Variants in CCNF observed in about 807,000 individuals in gnomAD.
CCNF encodes the protein cyclin F, also known as cyclin-F.
CCNF carries 30 observed loss-of-function variants against 85.4 expected under a neutral mutation model. The observed-to-expected ratio is 0.35, with a 90% CI of 0.26 to 0.48. The LOEUF (loss-of-function observed/expected upper bound fraction) is 0.48, where lower values mean the gene tolerates loss of function less well. Ranked by LOEUF, CCNF falls within the 20% of genes least tolerant of loss-of-function variation. The probability of loss-of-function intolerance (pLI) is 0.99; values close to 1 mark genes in which losing one functional copy is unlikely to be tolerated. For missense variants in CCNF, 919 were observed against 1,010.4 expected (o/e 0.91, Z 1.23); for synonymous variants, 439 against 425.1 (o/e 1.03, Z -0.40).
intron 15 of CCNF, 151 bp from the exon 16 acceptor site, chr16:2,455,244 C>A: frequency 9.3e-7 from 1 of 1,080,408 alleles, no homozygotes; most frequent in Non-Finnish European, 1.3e-6. Flanking sequence ...TATACCTGTT[C>A]TAGCTTCACC....
At chr16:2,439,154 C>T (rs1162715178) in intron 6 of CCNF, among the ~76,000 whole-genome samples, 199 bp from the exon 7 acceptor site, 10 of 151,958 alleles carry the variant, frequency 6.6e-5, no homozygotes, top group Non-Finnish European at 1.3e-4. Context: ...AAAAATTAGC[C>T]GGGCATGATG....
chr16:2,449,401 C>G lies in CCNF; in HGVS notation c.1338C>G (p.Ala446=). The change falls in exon 12 of 17, where the codon GCC becomes GCG. Residue 446 remains alanine (A), a synonymous_variant. Coordinates refer to ENST00000397066, the MANE Select transcript of CCNF (RefSeq NM_001761.3). ...ELSLLHTSLS[A]YAPARLAAAA... is the part of the protein sequence containing the mutation. ...CCCTGCTGCACACCAGCCTGTCCGC[C>G]TACGCCCCAGCCCGCCTGGCTGCCG... The G allele has an allele frequency of 6.2e-7, 1 of 1,612,040 alleles. No individual in the cohort carries two copies. Among genetic ancestry groups the G allele is most frequent in the Non-Finnish European group, 8.5e-7 (1 of 1,179,976 alleles).
chr16:2,431,988 G>A (rs1253754706), intron 2 of CCNF, among the ~76,000 whole-genome samples: 1 of 151,680 alleles, frequency 6.6e-6, no homozygotes, highest in African/African-American at 2.4e-5. Flanking sequence ...CCGCCACCAC[G>A]CCCGGCTAAT....
intron 6 of CCNF, among the ~76,000 whole-genome samples, chr16:2,438,619 C>T (rs1379813156): frequency 6.9e-6 from 1 of 144,694 alleles, no homozygotes; most frequent in East Asian, 2.0e-4. Context: ...TCCAGCCTGG[C>T]AACAGAGTGA....
chr16:2,439,269 A>T, intron 6 of CCNF, 84 bp from the exon 7 acceptor site: 2 of 1,219,924 alleles, frequency 1.6e-6, no homozygotes, highest in South Asian at 2.9e-5. Flanking sequence ...TTGCACTCCA[A>T]CCTGGGCGAC....
intron 9 of CCNF, among the ~76,000 whole-genome samples, chr16:2,445,191 C>T (rs1037265591): frequency 6.6e-6 from 1 of 152,206 alleles, no homozygotes. Context: ...TGACTTTTCA[C>T]TTTGCGTCAG....
At chr16:2,441,688 T>C (rs1024146794) in intron 8 of CCNF, among the ~76,000 whole-genome samples, 2 of 151,726 alleles carry the variant, frequency 1.3e-5, no homozygotes, top group African/African-American at 4.8e-5. Flanking sequence ...AGCTAATTTT[T>C]GTATTTTTAG....
At chr16:2,444,465 A>C (rs948875691) in intron 9 of CCNF, among the ~76,000 whole-genome samples, 5 of 147,068 alleles carry the variant, frequency 3.4e-5, no homozygotes, top group Non-Finnish European at 7.5e-5. Flanking sequence ...ACGCCCAGCT[A>C]ATTTTTTTGT....
chr16:2,454,091 G>T (rs1425021459), intron 15 of CCNF, among the ~76,000 whole-genome samples: 1 of 152,208 alleles, frequency 6.6e-6, no homozygotes, highest in African/African-American at 2.4e-5. Flanking sequence ...TGCTGGCCCT[G>T]CGCCGTGACC....
At position 2,438,091 on chromosome 16, in the gene CCNF, C is replaced by T. The variant is rs776957393; in HGVS notation, c.562C>T (p.His188Tyr). Residue 188 changes from histidine (H) to tyrosine (Y), a missense_variant, in exon 6 of 17, where the codon CAC becomes TAC. His to Tyr is a moderately conservative substitution (Grantham distance 83). Around this residue, in one of 3 missense-constraint regions of CCNF, gnomAD observed 410 missense variants for 478.6 expected, o/e 0.86. Transcript: ENST00000397066. ...AAAGACTCACAAAGCATCCATATTG[C>T]ACTGCTTGGGCAGAGTGCTGAGTCT... is the stretch of plus-strand genomic sequence containing the variant. ...LQRTHKASIL[H>Y]CLGRVLSLFE... is the part of the protein sequence containing the mutation. 8 of 1,612,106 alleles carry T rather than the reference C, an allele frequency of 5.0e-6. No individual in the cohort carries two copies. The Admixed American group carries it at 1.3e-4, about 27-fold the overall frequency.
At position 2,445,521 on chromosome 16, in the gene CCNF, G is replaced by A. The variant is rs1280702230; in HGVS notation, c.993G>A (p.Leu331=). The change falls in exon 10 of 17, where the codon CTG becomes CTA. Residue 331 remains leucine (L), a synonymous_variant. Transcript: ENST00000397066. ...ATMKDFTSLC[L]HLTVECVDRY... ...TGAAGGACTTCACAAGCCTGTGCCT[G>A]CACCTGACCGTGGAGTGTGTGGACC... 4 of 1,614,046 alleles carry A rather than the reference G, an allele frequency of 2.5e-6. No homozygotes were observed. The African/African-American group carries it at 5.3e-5, about 22-fold the overall frequency.
Position 2,456,507 on chromosome 16 carries a change from G to A in CCNF, c.1886-38G>A, listed in dbSNP as rs776384745. ...GCAGGGGGTCTCCCCTGATGCTTGGGTGTGACATGACTTCCCTCCCCACCA... is the reference window on the plus strand; with the variant it reads ...GCAGGGGGTCTCCCCTGATGCTTGGATGTGACATGACTTCCCTCCCCACCA... On this transcript the variant is annotated intron_variant, in intron 16 of 16. Transcript: ENST00000397066. This position sits in a 1 kb window ranked among gnomAD's most constrained non-coding sequence, Gnocchi z 4.5. The A allele has an allele frequency of 2.8e-6, 4 of 1,428,736 alleles. No homozygotes were observed. The highest frequency in any genetic ancestry group is 3.8e-6 in the Non-Finnish European group (4 of 1,065,136). 88.5% of individuals were successfully genotyped at this position (1,428,736 alleles called of 1,614,324 possible). A position where few individuals can be genotyped will look rare whatever the true frequency, so the allele number is the denominator to read the frequency against.
At chr16:2,433,123 G>A in intron 3 of CCNF, 56 bp downstream of exon 3, 1 of 1,100,794 alleles carries the variant, frequency 9.1e-7, no homozygotes, top group Non-Finnish European at 1.4e-6. Context: ...CTCCCTATGT[G>A]CCAGTCTGTG....
chr16:2,443,916 T>G (rs2065346513), intron 9 of CCNF, 116 bp downstream of exon 9: 1 of 880,836 alleles, frequency 1.1e-6, no homozygotes, highest in Non-Finnish European at 1.6e-6. Context: ...TAGAGTTCCC[T>G]TATCACCCTT....
intron 8 of CCNF, 90 bp downstream of exon 8, chr16:2,439,916 A>G: frequency 8.9e-7 from 1 of 1,128,296 alleles, no homozygotes. Context: ...ATTGGGGGGC[A>G]GGACTATCTG....
chr16:2,435,662 CACACAT>C (rs2065286050), intron 3 of CCNF, 138 bp from the exon 4 acceptor site: 4 of 62,946 alleles, frequency 6.4e-5, no homozygotes, highest in African/African-American at 3.4e-4. Flanking sequence ...TATGCACACA[CACACAT>C]ATATATATAT....
In CCNF at chr16:2,453,634, G is replaced by T. The variant is rs953913964; in HGVS notation, c.1715+97G>T. 2 of 1,496,424 alleles carry T rather than the reference G, an allele frequency of 1.3e-6. No homozygotes were observed. 92.7% of individuals were successfully genotyped at this position (1,496,424 alleles called of 1,614,324 possible). On this transcript the variant is annotated intron_variant, in intron 15 of 16. Coordinates refer to ENST00000397066, the MANE Select transcript of CCNF (RefSeq NM_001761.3). This position sits in a 1 kb window ranked among gnomAD's most constrained non-coding sequence, Gnocchi z 5.6. ...TTCCTCACACAGAGAGGCCCCCAAG[G>T]CTTGTCAGGGGAGCAGCAGATCCCA...
At position 2,453,682 on chromosome 16, in the gene CCNF, C is replaced by G. The variant is rs1383878742; in HGVS notation, c.1715+145C>G. ...CCAGGACAGTGACCCTGGGACGGAG[C>G]CCTGCAGTCATGCCTCGGGCCCCTG... On this transcript the variant is annotated intron_variant, in intron 15 of 16. Coordinates refer to ENST00000397066, the MANE Select transcript of CCNF (RefSeq NM_001761.3). The surrounding 1 kb of genome is among the most constrained non-coding windows in gnomAD (Gnocchi z 5.6). 9.3e-7 allele frequency: 1 copy of G among 1,079,078 alleles called. No individual in the cohort carries two copies. The highest frequency in any genetic ancestry group is 2.2e-5 in the Admixed American group (1 of 45,368). The allele number at this position is 1,079,078 out of a possible 1,614,324, so 66.8% of individuals were successfully genotyped here. A position where few individuals can be genotyped will look rare whatever the true frequency, so the allele number is the denominator to read the frequency against.
chr16:2,443,539 T>G (rs1199329370), intron 8 of CCNF, 110 bp from the exon 9 acceptor site: 2 of 991,116 alleles, frequency 2.0e-6, no homozygotes, highest in Admixed American at 4.1e-5. Flanking sequence ...TTAAGTTAAG[T>G]AGGGCAGTGT....
Sources: gnomAD v4.1 joint callset for allele counts (sites outside exome capture counted in the v4.1 genomes callset) on GRCh38, gnomAD v4.1.1 for gene constraint, gnomAD v4.1.1 regional missense constraint, Gnocchi (gnomAD v3.1) non-coding constraint, MANE v1.5 for transcripts, NCBI Gene and HGNC (gene_info 2026-07-23, HGNC 2026-07-21) for gene names.